SHOC1: variants seen among roughly 807,000 people sequenced by gnomAD.
The protein encoded by SHOC1 is shortage in chiasmata 1, also known as protein shortage in chiasmata 1 ortholog.
Under a neutral mutation model 179.2 loss-of-function variants are expected in SHOC1, and 136 were observed. The ratio of observed to expected loss-of-function variants is 0.76; its 90% confidence interval spans 0.66 to 0.87. The LOEUF is 0.87. Ranked by LOEUF, SHOC1 falls within the 40% of genes least tolerant of loss-of-function variation. The probability of loss-of-function intolerance (pLI) is 0.00; values close to 1 mark genes in which losing one functional copy is unlikely to be tolerated. For synonymous variants in SHOC1, 489 were observed against 586.6 expected (o/e 0.83, Z 2.41); for missense variants, 1,538 against 1,700.8 (o/e 0.90, Z 1.68).
chr9:111,718,551 A>G (rs1832901200), intron 15 of SHOC1, among the ~76,000 whole-genome samples: 1 of 152,214 alleles, frequency 6.6e-6, no homozygotes, highest in African/African-American at 2.4e-5. Flanking sequence ...TAAATGGTAG[A>G]GCTGTCATTT....
At chr9:111,738,003 CAA>C (rs1232074596) in intron 12 of SHOC1, 4 of 409,382 alleles carry the variant, frequency 9.8e-6, no homozygotes, top group Non-Finnish European at 1.7e-5. Context: ...TAAAAGGAAA[CAA>C]AGTCACTTTA....
chr9:111,705,687 C>A (rs1832241242), intron 20 of SHOC1, among the ~76,000 whole-genome samples: 1 of 151,934 alleles, frequency 6.6e-6, no homozygotes, highest in East Asian at 1.9e-4. Flanking sequence ...AAAATAGGGT[C>A]ATTCTCTACC....
chr9:111,749,462 T>C (rs1443831260), intron 8 of SHOC1, among the ~76,000 whole-genome samples: 2 of 152,202 alleles, frequency 1.3e-5, no homozygotes, highest in Non-Finnish European at 2.9e-5. Context: ...GAATTAATTC[T>C]ATTGCTCAAA....
chr9:111,778,836 C>T (rs1180506994), intron 4 of SHOC1, among the ~76,000 whole-genome samples: 3 of 145,674 alleles, frequency 2.1e-5, no homozygotes, highest in African/African-American at 7.6e-5. Flanking sequence ...TGGTGGCTCA[C>T]ACCTGTAATT....
chr9:111,793,905 G>A (rs934967350), intron 1 of SHOC1, among the ~76,000 whole-genome samples: 1 of 152,082 alleles, frequency 6.6e-6, no homozygotes, highest in African/African-American at 2.4e-5. Flanking sequence ...AGGCTGGAGT[G>A]CAATGGTGCG....
At chr9:111,771,709 T>A (rs1182351677) in intron 5 of SHOC1, among the ~76,000 whole-genome samples, 1 of 152,266 alleles carries the variant, frequency 6.6e-6, no homozygotes, top group South Asian at 2.1e-4. Context: ...GCTTTTTTTT[T>A]CTTTGAGCAC....
At position 111,722,438 on chromosome 9, in the gene SHOC1, T is replaced by A. The variant is rs1435316200; in HGVS notation, c.2102A>T (p.Glu701Val). The change falls in exon 15 of 28, where the codon GAA becomes GTA. Residue 701 changes from glutamate (E) to valine (V), a missense_variant. Physicochemically the swap from Glu to Val is moderately radical, Grantham distance 121 (BLOSUM62 -2). Coordinates refer to ENST00000682961, the MANE Select transcript of SHOC1 (RefSeq NM_001378211.1). ...GCGAACAGCATCACTTACTACTTTT[T>A]CTTGTTCCTTTAAGAGAAACCTTGT... ...DQTRFLLKEQ[E>V]KVVSDAVRQG... The A allele has an allele frequency of 2.5e-6, 4 of 1,606,650 alleles. No individual in the cohort carries two copies. Among genetic ancestry groups the A allele is most frequent in the Non-Finnish European group, 3.4e-6 (4 of 1,178,500 alleles).
At chr9:111,687,071 C>T (rs753539198) in intron 27 of SHOC1, among the ~76,000 whole-genome samples, 33 of 151,818 alleles carry the variant, frequency 2.2e-4, no homozygotes, top group Non-Finnish European at 4.3e-4. Flanking sequence ...CTCAGCCTCC[C>T]GAGCAGCTGG....
intron 21 of SHOC1, 52 bp downstream of exon 21, chr9:111,705,192 CACA>C: frequency 1.4e-6 from 1 of 730,022 alleles, no homozygotes; most frequent in South Asian, 2.3e-5. Flanking sequence ...CACACACACA[CACA>C]CATATATATA....
Position 111,692,150 on chromosome 9 carries a change from G to A in SHOC1, c.3827C>T (p.Ser1276Leu), listed in dbSNP as rs1424395382. The change falls in exon 27 of 28, where the codon TCA becomes TTA. Residue 1276 changes from serine (S) to leucine (L), a missense_variant. By Grantham distance (145) the Ser-to-Leu change is moderately radical (BLOSUM62 -2). Transcript: ENST00000682961. ...QNTPFLINIE[S>L]RRPAYNSFLN... ...AAAGGAGTTATAAGCCGGTCTCCTT[G>A]ATTCTATATTAATTAGAAAAGGAGT... is the stretch of plus-strand genomic sequence containing the variant. The A allele has an allele frequency of 6.2e-7, 1 of 1,613,656 alleles. No individual in the cohort carries two copies. The highest frequency in any genetic ancestry group is 8.5e-7 in the Non-Finnish European group (1 of 1,179,754).
At chr9:111,780,059 G>A (rs186420242) in intron 4 of SHOC1, among the ~76,000 whole-genome samples, 418 of 152,168 alleles carry the variant, frequency 2.7e-3, no homozygotes, top group Admixed American at 5.3e-3. Context: ...CTTTATGTTG[G>A]TCATCCTATA....
intron 13 of SHOC1, among the ~76,000 whole-genome samples, chr9:111,726,674 T>C (rs569780467): frequency 1.3e-5 from 2 of 152,338 alleles, no homozygotes; most frequent in South Asian, 4.1e-4. Flanking sequence ...TAATAGTATA[T>C]GAGACAGTAA....
At chr9:111,725,387 T>C (rs1833253256) in intron 13 of SHOC1, among the ~76,000 whole-genome samples, 1 of 152,108 alleles carries the variant, frequency 6.6e-6, no homozygotes, top group Non-Finnish European at 1.5e-5. Context: ...AAAGGCTAAG[T>C]TGGGGAATAG....
chr9:111,711,242 G>A (rs1394958880), intron 18 of SHOC1, among the ~76,000 whole-genome samples: 2 of 152,158 alleles, frequency 1.3e-5, no homozygotes, highest in African/African-American at 2.4e-5. Flanking sequence ...ATGGTCCCCC[G>A]GCGAAACCCC....
intron 15 of SHOC1, among the ~76,000 whole-genome samples, chr9:111,718,934 C>T (rs959284317): frequency 6.6e-6 from 1 of 152,112 alleles, no homozygotes; most frequent in Non-Finnish European, 1.5e-5. Context: ...CCCAATTTAA[C>T]CAGAGAAGCT....
intron 12 of SHOC1, among the ~76,000 whole-genome samples, chr9:111,729,853 C>T (rs1309865889): frequency 6.7e-6 from 1 of 148,960 alleles, no homozygotes; most frequent in Non-Finnish European, 1.5e-5. Context: ...GATCATGCTA[C>T]TGCACTTCAG....
chr9:111,748,794 C>CCCTTCCTT (rs570258617), intron 8 of SHOC1, among the ~76,000 whole-genome samples: 2 of 111,684 alleles, frequency 1.8e-5, no homozygotes, highest in African/African-American at 7.1e-5. Flanking sequence ...TCCCCTCCCC[C>CCCTTCCTT]CCTTCCTTCC....
chr9:111,714,436 A>G lies in SHOC1; in HGVS notation c.2415+9T>C. The G allele has an allele frequency of 6.2e-7, 1 of 1,612,294 alleles. No homozygotes were observed. Among genetic ancestry groups the G allele is most frequent in the Non-Finnish European group, 8.5e-7 (1 of 1,179,276 alleles). On this transcript the variant is annotated intron_variant, in intron 17 of 27. Transcript: ENST00000682961. ...TGATTATTTTACCGGCTTTATTCCA[A>G]TACTTAACCTTAATTTGCTGTTGAC... is the stretch of plus-strand genomic sequence containing the variant.
At chr9:111,743,852 A>G (rs1834147663) in intron 10 of SHOC1, among the ~76,000 whole-genome samples, 1 of 152,156 alleles carries the variant, frequency 6.6e-6, no homozygotes, top group South Asian at 2.1e-4. Flanking sequence ...TAAAATATGG[A>G]TTTTTAAGCT....
Sources: allele counts gnomAD v4.1 joint callset (sites outside exome capture counted in the v4.1 genomes callset), GRCh38; gene constraint gnomAD v4.1.1; transcripts MANE v1.5; gene names NCBI Gene and HGNC (gene_info 2026-07-23, HGNC 2026-07-21).